Variants in APC2 observed in about 807,000 individuals in gnomAD.
APC2 encodes the protein adenomatous polyposis coli protein 2.
A neutral mutation model predicts 72.5 loss-of-function variants in APC2; 41 were observed. The ratio of observed to expected loss-of-function variants is 0.57; its 90% CI spans 0.44 to 0.73. APC2 has a LOEUF of 0.73. APC2 is among the 30% of genes least tolerant of loss of function. The probability of loss-of-function intolerance (pLI) is 0.00; values close to 1 mark genes in which losing one functional copy is unlikely to be tolerated. For synonymous variants in APC2, 1,898 were observed against 1,612.0 expected (o/e 1.18, Z -4.25); for missense variants, 3,729 against 3,403.4 (o/e 1.10, Z -2.38).
In APC2 at chr19:1,467,215, G is replaced by C; in HGVS notation, c.3914G>C (p.Gly1305Ala). 1 of 1,402,008 alleles carries C rather than the reference G, an allele frequency of 7.1e-7. No homozygotes were observed. The highest frequency in any genetic ancestry group is 9.2e-7 in the Non-Finnish European group (1 of 1,084,026). The allele number at this position is 1,402,008 out of a possible 1,614,324, so 86.8% of individuals were successfully genotyped here. A position where few individuals can be genotyped will look rare whatever the true frequency, so the allele number is the denominator to read the frequency against. Residue 1305 changes from glycine (G) to alanine (A), a missense_variant, in exon 15 of 15, where the codon GGC becomes GCC. Transcript: ENST00000590469. ...RLLPSACPER[G>A]GGAGGAGLHF... ...CTGCCCTCGGCCTGCCCCGAGCGCGGCGGGGGCGCCGGGGGCGCCGGCCTC... is the reference window on the plus strand; with the variant it reads ...CTGCCCTCGGCCTGCCCCGAGCGCGCCGGGGGCGCCGGGGGCGCCGGCCTC...
intron 8 of APC2, 45 bp from the exon 9 acceptor site, chr19:1,456,808 G>A (rs1180235779): frequency 5.1e-6 from 8 of 1,563,144 alleles, no homozygotes; most frequent in African/African-American, 1.4e-5. Flanking sequence ...CCAGGTGTGC[G>A]GGGGGCAGGT....
intron 9 of APC2, 200 bp from the exon 10 acceptor site, chr19:1,457,765 C>T: frequency 1.6e-6 from 1 of 606,322 alleles, no homozygotes; most frequent in Non-Finnish European, 3.0e-6. Context: ...ACTACCTCGC[C>T]TCCCTTCCCA....
In APC2 at chr19:1,453,337, G is replaced by T; in HGVS notation, c.232G>T (p.Ala78Ser). 1.2e-6 allele frequency: 2 copies of T among 1,607,368 alleles called. No homozygotes were observed. The highest frequency in any genetic ancestry group is 1.7e-6 in the Non-Finnish European group (2 of 1,177,384). ...GQTEVLEQLK[A>S]LQMDITSLYN... ...GACGGAGGTGCTGGAGCAGCTGAAG[G>T]GTGAGCGGTGGGGCCACCCGCAGAG... The change falls in exon 3 of 15, where the codon GCC becomes TCC. Residue 78 changes from alanine (A) to serine (S), a missense_variant and splice_region_variant. Coordinates refer to ENST00000590469, the MANE Select transcript of APC2 (RefSeq NM_005883.3).
At position 1,470,286 on chromosome 19, in the gene APC2, C is replaced by T; in HGVS notation, c.*73C>T. 1 of 1,453,268 alleles carries T rather than the reference C, an allele frequency of 6.9e-7. No homozygotes were observed. 90.0% of individuals were successfully genotyped at this position (1,453,268 alleles called of 1,614,324 possible). On this transcript the variant is annotated 3_prime_UTR_variant, in exon 15 of 15. Transcript: ENST00000590469. ...GGTCTGGCTGCCCCATGGGCCTGCG[C>T]TGTAGACGTCCCCCATAGGTCGCCC...
In APC2 at chr19:1,465,791, G is replaced by T. The variant is rs1209480056; in HGVS notation, c.2490G>T (p.Glu830Asp). The change falls in exon 15 of 15, where the codon GAG (glutamate) becomes GAT (aspartate). Residue 830 changes from glutamate to aspartate, a missense_variant. By Grantham distance (45) the Glu-to-Asp change is conservative (BLOSUM62 2). Coordinates refer to ENST00000590469, the MANE Select transcript of APC2 (RefSeq NM_005883.3). The part of the protein sequence containing the change: ...PPTRRGGKEA[E>D]KDTSGEAAVA... ...CCCGCCGAGGCGGCAAGGAGGCAGA[G>T]AAGGACACCAGTGGGGAGGCAGCCG... 2 of 1,580,848 alleles carry T rather than the reference G, an allele frequency of 1.3e-6. No homozygotes were observed. The highest frequency in any genetic ancestry group is 2.7e-5 in the African/African-American group (2 of 73,626).
chr19:1,467,580 A>C lies in APC2; in HGVS notation c.4279A>C (p.Arg1427=). 6.6e-7 allele frequency: 1 copy of C among 1,512,942 alleles called. No homozygotes were observed. Among genetic ancestry groups the C allele is most frequent in the Non-Finnish European group, 8.8e-7 (1 of 1,137,018 alleles). 93.7% of individuals were successfully genotyped at this position (1,512,942 alleles called of 1,614,324 possible). The change falls in exon 15 of 15, where the codon AGA becomes CGA. Residue 1427 remains arginine, a synonymous_variant. Coordinates refer to ENST00000590469, the MANE Select transcript of APC2 (RefSeq NM_005883.3). The stretch of plus-strand genomic sequence containing the variant: ...GCCCGGGGGACCAGCGGGCAGGCAA[A>C]GACCCACCGGCCGCCCCACCTCTGC... ...DQPGGPAGRQ[R]PTGRPTSARQ... is the part of the protein sequence containing the mutation.
At chr19:1,454,562 A>AC (rs1803410692) in intron 4 of APC2, among the ~76,000 whole-genome samples, 3 of 74,742 alleles carry the variant, frequency 4.0e-5, no homozygotes, top group Non-Finnish European at 7.3e-5. Flanking sequence ...AATCTTTTGT[A>AC]CTTTTTTTTT....
chr19:1,446,324 G>A, upstream of APC2: 1 of 985,290 alleles, frequency 1.0e-6, no homozygotes, highest in South Asian at 4.7e-5. This position sits in a 1 kb window ranked among gnomAD's most constrained non-coding sequence, Gnocchi z 6.1. Context: ...GCTGCACTCG[G>A]CCTTCTTCGG....
chr19:1,457,597 C>T (rs1026238524), intron 9 of APC2: 4 of 502,868 alleles, frequency 8.0e-6, no homozygotes, highest in African/African-American at 2.0e-5. Context: ...CTTTGGAAGG[C>T]AGAAGCAGGA....
chr19:1,469,921 C>G lies in APC2; in HGVS notation c.6620C>G (p.Pro2207Arg), dbSNP rs1338563418. 7 of 1,519,618 alleles carry G rather than the reference C, an allele frequency of 4.6e-6. No homozygotes were observed. The highest frequency in any genetic ancestry group is 6.1e-6 in the Non-Finnish European group (7 of 1,140,074). 94.1% of individuals were successfully genotyped at this position (1,519,618 alleles called of 1,614,324 possible). A position where few individuals can be genotyped will look rare whatever the true frequency, so the allele number is the denominator to read the frequency against. The change falls in exon 15 of 15, where the codon CCG (proline) becomes CGG (arginine). Residue 2207 changes from proline (P) to arginine (R), a missense_variant. By Grantham distance (103) the Pro-to-Arg change is moderately radical. Transcript: ENST00000590469. ...AAPKTNSSTS[P>R]SLETREPPGA... ...CCCAAGACCAACTCCAGCACGTCCC[C>G]GAGCCTGGAGACCAGGGAGCCCCCC...
Position 1,452,656 on chromosome 19 carries a change from G to A in APC2, c.-18-328G>A, listed in dbSNP as rs112087950. ...TGTGTGTTTGTCCGGCTGTCAGGATGTGTCCTGGGGGCTGGGAAGGAGAGG... is the reference window on the plus strand; with the variant it reads ...TGTGTGTTTGTCCGGCTGTCAGGATATGTCCTGGGGGCTGGGAAGGAGAGG... On this transcript the variant is annotated intron_variant, in intron 1 of 14. Transcript: ENST00000590469. The surrounding 1 kb of genome is among the most constrained non-coding windows in gnomAD (Gnocchi z 5.1). 8 of 270,894 alleles carry A rather than the reference G, an allele frequency of 3.0e-5. No homozygotes were observed. The highest frequency in any genetic ancestry group is 1.3e-4 in the African/African-American group (6 of 45,560). 16.8% of individuals were successfully genotyped at this position (270,894 alleles called of 1,614,324 possible).
intron 13 of APC2, 136 bp from the exon 14 acceptor site, chr19:1,461,826 TG>T: frequency 2.8e-6 from 2 of 711,056 alleles, no homozygotes; most frequent in Non-Finnish European, 4.5e-6. Flanking sequence ...CACTCCAGCC[TG>T]GGGGAGAGAG....
chr19:1,461,247 A>G, intron 13 of APC2, 94 bp downstream of exon 13: 1 of 1,078,956 alleles, frequency 9.3e-7, no homozygotes, highest in Non-Finnish European at 1.4e-6. Context: ...GGAGGAAATC[A>G]AGTTGAACAG....
At position 1,465,414 on chromosome 19, in the gene APC2, G is replaced by A; in HGVS notation, c.2113G>A (p.Ala705Thr). 6.5e-7 allele frequency: 1 copy of A among 1,543,232 alleles called. No individual in the cohort carries two copies. The highest frequency in any genetic ancestry group is 8.7e-7 in the Non-Finnish European group (1 of 1,151,364). Residue 705 changes from alanine to threonine, a missense_variant, in exon 15 of 15, where the codon GCC becomes ACC. Physicochemically the swap from Ala to Thr is moderately conservative, Grantham distance 58. Coordinates refer to ENST00000590469, the MANE Select transcript of APC2 (RefSeq NM_005883.3). Reference sequence around the variant, plus strand: ...CCATCGGCCCGCCAAGCACCAGGCGGCCGCCACCGCCGTGTCCCCAGGCAG... The same window carrying A: ...CCATCGGCCCGCCAAGCACCAGGCGACCGCCACCGCCGTGTCCCCAGGCAG... Reference protein sequence around the residue: ...LAHRPAKHQAAATAVSPGSCV... With the variant: ...LAHRPAKHQATATAVSPGSCV...
intron 14 of APC2, 148 bp downstream of exon 14, chr19:1,462,325 G>A (rs559297471): frequency 7.3e-5 from 54 of 736,760 alleles, no homozygotes; most frequent in East Asian, 2.7e-4. Context: ...CAAATACTGC[G>A]TGAGATATAC....
In APC2 at chr19:1,469,462, C is replaced by G; in HGVS notation, c.6161C>G (p.Pro2054Arg). The part of the protein sequence containing the change: ...EELRAAPRQG[P>R]APARQRPPAA... Reference sequence around the variant, plus strand: ...CTCCGAGCGGCACCCCGGCAGGGCCCGGCCCCGGCCCGGCAGCGGCCCCCC... The same window carrying G: ...CTCCGAGCGGCACCCCGGCAGGGCCGGGCCCCGGCCCGGCAGCGGCCCCCC... Residue 2054 changes from proline (P) to arginine (R), a missense_variant, in exon 15 of 15, where the codon CCG (proline) becomes CGG (arginine). Transcript: ENST00000590469. The G allele has an allele frequency of 8.8e-7, 1 of 1,130,058 alleles. No individual in the cohort carries two copies. The highest frequency in any genetic ancestry group is 1.1e-6 in the Non-Finnish European group (1 of 926,348). The allele number at this position is 1,130,058 out of a possible 1,614,324, so 70.0% of individuals were successfully genotyped here. A position where few individuals can be genotyped will look rare whatever the true frequency, so the allele number is the denominator to read the frequency against.
chr19:1,466,307 G>A lies in APC2; in HGVS notation c.3006G>A (p.Val1002=). Residue 1002 remains valine (V), a synonymous_variant, in exon 15 of 15, where the codon GTG becomes GTA. Coordinates refer to ENST00000590469, the MANE Select transcript of APC2 (RefSeq NM_005883.3). ...TIKLSPTYQH[V]PLLEGASRAG... is the part of the protein sequence containing the mutation. Reference sequence around the variant, plus strand: ...AGCTGTCGCCTACCTATCAGCACGTGCCACTGCTTGAGGGTGCCTCAAGGG... The same window carrying A: ...AGCTGTCGCCTACCTATCAGCACGTACCACTGCTTGAGGGTGCCTCAAGGG... 3 of 1,540,438 alleles carry A rather than the reference G, an allele frequency of 1.9e-6. No homozygotes were observed. The highest frequency in any genetic ancestry group is 1.2e-5 in the South Asian group (1 of 82,752).
chr19:1,455,218 C>G lies in APC2; in HGVS notation c.483C>G (p.Gly161=). The part of the protein sequence containing the change: ...EKLWYYSQLQ[G]LSKRLDELPH... ...TCTGGTACTACTCTCAGCTGCAGGG[C>G]CTGTCCAAGCGCCTGGACGAGCTGC... The change falls in exon 5 of 15, where the codon GGC becomes GGG. Residue 161 remains glycine (G), a synonymous_variant. Coordinates refer to ENST00000590469, the MANE Select transcript of APC2 (RefSeq NM_005883.3). 6.3e-7 allele frequency: 1 copy of G among 1,583,062 alleles called. No individual in the cohort carries two copies. Among genetic ancestry groups the G allele is most frequent in the Non-Finnish European group, 8.5e-7 (1 of 1,171,326 alleles).
rs192459629 is a variant in APC2, at chr19:1,464,542, C to T, written c.1854-613C>T. Among the ~76,000 whole-genome samples, 10 of 151,578 alleles carry T rather than the reference C, an allele frequency of 6.6e-5. No individual in the cohort carries two copies. In the East Asian group the frequency reaches 1.5e-3, roughly 23 times the overall value. On this transcript the variant is annotated intron_variant, in intron 14 of 14. Transcript: ENST00000590469. Reference sequence around the variant, plus strand: ...CTGCACTCCAGGCTGTACGACAGAGCGAAACTTTCTCTCAGAAAAGATAGA... The same window carrying T: ...CTGCACTCCAGGCTGTACGACAGAGTGAAACTTTCTCTCAGAAAAGATAGA...
Sources: allele counts gnomAD v4.1 joint callset (sites outside exome capture counted in the v4.1 genomes callset), GRCh38; gene constraint gnomAD v4.1.1; non-coding constraint Gnocchi (gnomAD v3.1); transcripts MANE v1.5; gene names NCBI Gene and HGNC (gene_info 2026-07-23, HGNC 2026-07-21).